POLN: variants seen among roughly 807,000 people sequenced by gnomAD.
POLN encodes DNA polymerase nu, also known as DNA polymerase N.
In POLN, 108 loss-of-function variants were observed where a neutral mutation model predicts 113.5. The observed-to-expected ratio is 0.95, with a 90% confidence interval of 0.81 to 1.12. The LOEUF (loss-of-function observed/expected upper bound fraction) is 1.12, where lower values mean the gene tolerates loss of function less well. Ranked by LOEUF, POLN falls within the 50% of genes most tolerant of loss-of-function variation. The probability of loss-of-function intolerance (pLI) is 0.00; values close to 1 mark genes in which losing one functional copy is unlikely to be tolerated. For missense variants in POLN, 1,097 were observed against 1,077.1 expected, an observed-to-expected ratio of 1.02 and a Z score of -0.26; for synonymous variants, 386 against 391.5, an observed-to-expected ratio of 0.99 and a Z score of 0.17.
At chr4:2,073,107 A>G in intron 24 of POLN, 78 bp from the exon 25 acceptor site, 2 of 1,440,556 alleles carry the variant, frequency 1.4e-6, no homozygotes, top group Non-Finnish European at 9.7e-7. Context: ...GAGAACTTTC[A>G]GGCCCGAGTC....
chr4:2,223,211 T>C (rs61792603), intron 3 of POLN, among the ~76,000 whole-genome samples: 13,026 of 152,138 alleles, frequency 0.086, 857 homozygotes, highest in African/African-American at 0.17. Context: ...CATCATTAGG[T>C]GATTTCATTG....
At chr4:2,116,585 A>T (rs1475752222) in intron 19 of POLN, among the ~76,000 whole-genome samples, 1 of 151,878 alleles carries the variant, frequency 6.6e-6, no homozygotes, top group Non-Finnish European at 1.5e-5. Context: ...GTTTCAGAAC[A>T]TCTAATCTAG....
At chr4:2,238,841 T>C in intron 2 of POLN, 3 of 1,613,202 alleles carry the variant, frequency 1.9e-6, no homozygotes, top group Non-Finnish European at 2.5e-6. Context: ...TAAAACTAAC[T>C]CTTGTCTTGC....
At chr4:2,184,598 G>A (rs529849282) in intron 7 of POLN, among the ~76,000 whole-genome samples, 3 of 152,070 alleles carry the variant, frequency 2.0e-5, no homozygotes, top group Non-Finnish European at 4.4e-5. Context: ...TCTTAGCCTG[G>A]TAACAAAAGT....
rs762213744 is a variant in POLN at position 2,131,269 on chromosome 4, GC to G, written c.1752del (p.Lys584AsnfsTer37). On this transcript the variant is annotated frameshift_variant, in exon 17 of 26. Coordinates refer to ENST00000511885, the MANE Select transcript of POLN (RefSeq NM_181808.4). LOFTEE classifies it high-confidence loss of function. ...AKHPNIQGIS[K>X]HPIQITTPKN... ...TTAGGTGTAGTAATCTGAATTGGGT[GC>G]TTGGAGATACCTTGGATATTCTGTT... 2 of 1,592,260 alleles carry G rather than the reference GC, an allele frequency of 1.3e-6. No individual in the cohort carries two copies. Among genetic ancestry groups the G allele is most frequent in the African/African-American group, 2.7e-5 (2 of 74,402 alleles).
At chr4:2,124,515 G>A in intron 19 of POLN, among the ~76,000 whole-genome samples, 1 of 152,196 alleles carries the variant, frequency 6.6e-6, no homozygotes, top group Admixed American at 6.5e-5. Context: ...CTGGCCTCAA[G>A]TGATCCTCTC....
At chr4:2,132,043 A>G (rs1386946899) in intron 16 of POLN, among the ~76,000 whole-genome samples, 1 of 152,238 alleles carries the variant, frequency 6.6e-6, no homozygotes, top group Non-Finnish European at 1.5e-5. Context: ...AAGTCCTGCA[A>G]TCTTACAGCA....
chr4:2,239,670 T>A (rs1212957899), intron 2 of POLN, among the ~76,000 whole-genome samples: 1 of 152,222 alleles, frequency 6.6e-6, no homozygotes, highest in East Asian at 1.9e-4. Flanking sequence ...TATGCTCTGG[T>A]TGGAGCAAAC....
chr4:2,201,915 A>G (rs1733725568), intron 5 of POLN, among the ~76,000 whole-genome samples: 1 of 152,162 alleles, frequency 6.6e-6, no homozygotes, highest in Non-Finnish European at 1.5e-5. Context: ...ATTGTATCCA[A>G]CGAAACTAAG....
At chr4:2,205,289 C>CT (rs1733815535) in intron 5 of POLN, among the ~76,000 whole-genome samples, 1 of 152,184 alleles carries the variant, frequency 6.6e-6, no homozygotes, top group Non-Finnish European at 1.5e-5. Context: ...CTGCTATACA[C>CT]TAACAGTGAC....
chr4:2,147,448 G>A (rs1211604901), intron 16 of POLN, among the ~76,000 whole-genome samples: 1 of 152,012 alleles, frequency 6.6e-6, no homozygotes, highest in East Asian at 1.9e-4. Flanking sequence ...TCTGAGTTGG[G>A]GAAAGAGGAG....
chr4:2,123,760 G>A (rs932717285), intron 19 of POLN, among the ~76,000 whole-genome samples: 1 of 151,662 alleles, frequency 6.6e-6, no homozygotes, highest in Admixed American at 6.6e-5. Flanking sequence ...AGCCAAGATC[G>A]TGCCTCTGCT....
chr4:2,137,063 G>A (rs1269853154), intron 16 of POLN, among the ~76,000 whole-genome samples: 1 of 152,336 alleles, frequency 6.6e-6, no homozygotes, highest in African/African-American at 2.4e-5. Flanking sequence ...CAGGGCCCAC[G>A]GCGTTTTCAC....
chr4:2,200,503 C>T (rs1733685264), intron 5 of POLN, among the ~76,000 whole-genome samples: 1 of 152,184 alleles, frequency 6.6e-6, no homozygotes, highest in South Asian at 2.1e-4. Flanking sequence ...TGTTGGTATC[C>T]ACAACCGAAA....
At chr4:2,231,718 A>C (rs1577792315) in intron 2 of POLN, 27 of 378,022 alleles carry the variant, frequency 7.1e-5, no homozygotes, top group Admixed American at 9.7e-5. Flanking sequence ...ACCAGGACTA[A>C]GTACCACTAA....
At chr4:2,095,186 TA>T (rs1204069865) in intron 20 of POLN, among the ~76,000 whole-genome samples, 1 of 124,646 alleles carries the variant, frequency 8.0e-6, no homozygotes, top group African/African-American at 3.2e-5. Context: ...GTATTGGGGC[TA>T]GGGGGTAGGG....
intron 19 of POLN, among the ~76,000 whole-genome samples, chr4:2,109,074 A>G (rs1204862889): frequency 6.6e-6 from 1 of 152,192 alleles, no homozygotes; most frequent in Admixed American, 6.5e-5. Flanking sequence ...AAAAATCATC[A>G]ATGATTATAG....
At chr4:2,184,100 C>T (rs537830939) in intron 7 of POLN, among the ~76,000 whole-genome samples, 47 of 150,722 alleles carry the variant, frequency 3.1e-4, no homozygotes, top group African/African-American at 1.1e-3. Flanking sequence ...GTGATCCACT[C>T]GTCTCCGCCT....
chr4:2,200,475 G>A (rs1016147887), intron 5 of POLN, among the ~76,000 whole-genome samples: 2 of 152,112 alleles, frequency 1.3e-5, no homozygotes, highest in African/African-American at 4.8e-5. Flanking sequence ...CTGCTCCCAG[G>A]AGACACCCCA....
Sources: gnomAD v4.1 joint callset for allele counts (sites outside exome capture counted in the v4.1 genomes callset) on GRCh38, gnomAD v4.1.1 for gene constraint, MANE v1.5 for transcripts, NCBI Gene and HGNC (gene_info 2026-07-23, HGNC 2026-07-21) for gene names.